SLC5A4: variants seen among roughly 807,000 people sequenced by gnomAD.
SLC5A4 encodes the protein solute carrier family 5 member 4.
A neutral mutation model predicts 70.3 loss-of-function variants in SLC5A4; 55 were observed. That is an observed-to-expected ratio of 0.78 (90% CI 0.63 to 0.98). SLC5A4 has a LOEUF of 0.98. SLC5A4 is among the 50% of genes least tolerant of loss of function. SLC5A4 has a pLI of 0.00. For synonymous variants in SLC5A4, 268 were observed against 305.7 expected (o/e 0.88, Z 1.29); for missense variants, 735 against 839.2 (o/e 0.88, Z 1.53).
the SLC5A4 span, among the ~76,000 whole-genome samples, chr22:32,289,222 A>G: frequency 2.6e-5 from 4 of 152,134 alleles, no homozygotes; most frequent in East Asian, 5.8e-4. Context: ...AAATGATCAT[A>G]TATTTTTCTA....
the SLC5A4 span, among the ~76,000 whole-genome samples, chr22:32,275,443 C>A: frequency 6.6e-6 from 1 of 152,144 alleles, no homozygotes; most frequent in Non-Finnish European, 1.5e-5. Flanking sequence ...GTTTAATTCC[C>A]ACCTATGAGT....
intron 5 of SLC5A4, 125 bp downstream of exon 5, chr22:32,247,286 G>T: frequency 1.5e-6 from 1 of 646,144 alleles, no homozygotes; most frequent in South Asian, 1.9e-5. Flanking sequence ...GAGAATTTAA[G>T]ACATCCATAT....
chr22:32,271,964 A>G, the SLC5A4 span: 1 of 595,372 alleles, frequency 1.7e-6, no homozygotes, highest in Non-Finnish European at 3.2e-6. Flanking sequence ...AGGAGAAGGC[A>G]TTTGAGACCA....
the SLC5A4 span, among the ~76,000 whole-genome samples, chr22:32,328,124 C>T: frequency 1.4e-3 from 214 of 151,448 alleles, 4 homozygotes; most frequent in Middle Eastern, 0.024. Flanking sequence ...GCCCCCAAAA[C>T]ACACACACCA....
intron 8 of SLC5A4, 37 bp from the exon 9 acceptor site, chr22:32,233,071 A>G (rs1206511633): frequency 1.3e-6 from 2 of 1,592,882 alleles, no homozygotes. Flanking sequence ...GAAACAAGCC[A>G]GGGGATGATT....
In SLC5A4 at chr22:32,255,302, T is replaced by G; in HGVS notation, c.28A>C (p.Ile10Leu). 2 of 1,614,162 alleles carry G rather than the reference T, an allele frequency of 1.2e-6. No homozygotes were observed. The highest frequency in any genetic ancestry group is 1.7e-6 in the Non-Finnish European group (2 of 1,180,012). ...GGAGGTGGCTCTGGGGTCTCAGCTA[T>G]GGTGCTGGGGCTAACCGTACTGGCC... MASTVSPST[I>L]AETPEPPPLS... Residue 10 changes from isoleucine to leucine, a missense_variant, in exon 1 of 15, where the codon ATA becomes CTA. Physicochemically the swap from Ile to Leu is conservative, Grantham distance 5 (BLOSUM62 2). Transcript: ENST00000266086.
chr22:32,353,114 C>T, the SLC5A4 span, among the ~76,000 whole-genome samples: 11 of 152,228 alleles, frequency 7.2e-5, no homozygotes, highest in Admixed American at 2.0e-4. Context: ...TCACGCCCAC[C>T]CTCCAAAGTC....
At position 32,248,734 on chromosome 22, in the gene SLC5A4, G is replaced by T. The variant is rs760967510; in HGVS notation, c.372+9C>A. On this transcript the variant is annotated intron_variant, in intron 4 of 14. Coordinates refer to ENST00000266086, the MANE Select transcript of SLC5A4 (RefSeq NM_014227.3). ...ACTGAACTCTGGCATTTTGGTAACAGATACTCACCCCCGACTTGATGTAGA... is the reference window on the plus strand; with the variant it reads ...ACTGAACTCTGGCATTTTGGTAACATATACTCACCCCCGACTTGATGTAGA... The T allele has an allele frequency of 1.3e-6, 2 of 1,599,822 alleles. No homozygotes were observed. Among genetic ancestry groups the T allele is most frequent in the Non-Finnish European group, 1.7e-6 (2 of 1,167,142 alleles).
the SLC5A4 span, among the ~76,000 whole-genome samples, chr22:32,354,316 CA>C: frequency 6.6e-6 from 1 of 151,220 alleles, no homozygotes; most frequent in Non-Finnish European, 1.5e-5. Context: ...AACAGTGTAG[CA>C]CCCTGTAATG....
chr22:32,269,502 T>A, the SLC5A4 span: 1 of 582,588 alleles, frequency 1.7e-6, no homozygotes, highest in African/African-American at 1.9e-5. The surrounding 1 kb of genome is among the most constrained non-coding windows in gnomAD (Gnocchi z 4.1). Flanking sequence ...CCCGGGCACG[T>A]GGCTGTGTGG....
chr22:32,354,026 G>A, the SLC5A4 span, among the ~76,000 whole-genome samples: 2 of 151,252 alleles, frequency 1.3e-5, no homozygotes, highest in East Asian at 3.9e-4. Context: ...CGCGGGCAAG[G>A]TAGCCCCCGA....
At position 32,220,986 on chromosome 22, in the gene SLC5A4, C is replaced by A; in HGVS notation, c.1702G>T (p.Glu568Ter). 1.2e-6 allele frequency: 2 copies of A among 1,614,080 alleles called. No homozygotes were observed. The highest frequency in any genetic ancestry group is 1.7e-6 in the Non-Finnish European group (2 of 1,179,940). ...TCTGCATCTATATCGATTCGCTCCT[C>A]TGTACTGTTCCGAAGAACCCAGCAC... ...RLCWVLRNST[E>*]ERIDIDAEEK... Residue 568 changes from glutamate to a stop codon, truncating the protein, a stop_gained, in exon 14 of 15, where the codon GAG becomes TAG. Transcript: ENST00000266086. LOFTEE classifies it high-confidence loss of function.
At chr22:32,253,350 C>T (rs554097932) in intron 2 of SLC5A4, among the ~76,000 whole-genome samples, 1 of 152,308 alleles carries the variant, frequency 6.6e-6, no homozygotes, top group Non-Finnish European at 1.5e-5. Flanking sequence ...CAAGAGGCAT[C>T]AGCATTAGCA....
chr22:32,297,219 G>C, the SLC5A4 span, among the ~76,000 whole-genome samples: 3 of 149,956 alleles, frequency 2.0e-5, no homozygotes, highest in African/African-American at 7.3e-5. Context: ...AATAGTTTCA[G>C]AAGGAATGGT....
the SLC5A4 span, among the ~76,000 whole-genome samples, chr22:32,337,097 C>T: frequency 6.6e-6 from 1 of 152,158 alleles, no homozygotes; most frequent in Non-Finnish European, 1.5e-5. Flanking sequence ...GTCTTTCGGC[C>T]TCCTCATCTG....
the SLC5A4 span, among the ~76,000 whole-genome samples, chr22:32,293,655 G>A: frequency 6.6e-6 from 1 of 152,010 alleles, no homozygotes; most frequent in African/African-American, 2.4e-5. Context: ...CATCAAATCA[G>A]CCATTCTTTA....
At chr22:32,227,109 A>G (rs1925448078) in intron 11 of SLC5A4, among the ~76,000 whole-genome samples, 1 of 152,080 alleles carries the variant, frequency 6.6e-6, no homozygotes, top group African/African-American at 2.4e-5. Flanking sequence ...TTAATTGTCT[A>G]TCTTCCTGAC....
At chr22:32,305,031 C>T in the SLC5A4 span, among the ~76,000 whole-genome samples, 11 of 152,096 alleles carry the variant, frequency 7.2e-5, no homozygotes, top group Admixed American at 5.9e-4. Context: ...GATCAGTTGA[C>T]TATTTTATGT....
the SLC5A4 span, among the ~76,000 whole-genome samples, chr22:32,319,727 G>A: frequency 6.6e-6 from 1 of 152,156 alleles, no homozygotes; most frequent in African/African-American, 2.4e-5. Context: ...CACCTTTTTA[G>A]TGAGCCCTTG....
Sources: allele counts gnomAD v4.1 joint callset (sites outside exome capture counted in the v4.1 genomes callset), GRCh38; gene constraint gnomAD v4.1.1; non-coding constraint Gnocchi (gnomAD v3.1); transcripts MANE v1.5; gene names NCBI Gene and HGNC (gene_info 2026-07-23, HGNC 2026-07-21).